The following TRIM33 variants were observed in gnomAD, a reference collection of about 807,000 sequenced individuals.
TRIM33 encodes the protein E3 ubiquitin-protein ligase TRIM33.
Under a neutral mutation model 125.4 loss-of-function variants are expected in TRIM33, and 20 were observed. The ratio of observed to expected loss-of-function variants is 0.16; its 90% CI spans 0.11 to 0.23. The LOEUF (loss-of-function observed/expected upper bound fraction) is 0.23. Ranked by LOEUF, TRIM33 falls within the 10% of genes least tolerant of loss-of-function variation. The pLI, the probability that TRIM33 is intolerant of heterozygous loss-of-function variation, is 1.00. For synonymous variants in TRIM33, 564 were observed against 513.9 expected, an observed-to-expected ratio of 1.10 and a Z score of -1.32; for missense variants, 920 against 1,411.4, an observed-to-expected ratio of 0.65 and a Z score of 5.58.
chr1:114,409,453 A>G (rs1279070524), intron 12 of TRIM33, among the ~76,000 whole-genome samples: 1 of 152,216 alleles, frequency 6.6e-6, no homozygotes, highest in East Asian at 1.9e-4. Flanking sequence ...CTTTTTAAAT[A>G]ATTTTTCAAT....
chr1:114,446,184 G>C (rs1014410143), intron 4 of TRIM33, among the ~76,000 whole-genome samples: 2 of 152,168 alleles, frequency 1.3e-5, no homozygotes, highest in African/African-American at 4.8e-5. Flanking sequence ...ATGACAAGAA[G>C]ATGAGAGTAT....
At chr1:114,415,452 C>G (rs1652876722) in intron 11 of TRIM33, among the ~76,000 whole-genome samples, 1 of 152,162 alleles carries the variant, frequency 6.6e-6, no homozygotes, top group African/African-American at 2.4e-5. Context: ...TACATAATTC[C>G]TATCTGGAAT....
chr1:114,410,028 G>A (rs983133847), intron 12 of TRIM33, among the ~76,000 whole-genome samples, 156 bp downstream of exon 12: 1 of 152,176 alleles, frequency 6.6e-6, no homozygotes, highest in Non-Finnish European at 1.5e-5. Flanking sequence ...ACAATCACAT[G>A]AGCCAATTCC....
At chr1:114,410,669 T>C (rs1652524363) in intron 11 of TRIM33, among the ~76,000 whole-genome samples, 1 of 152,156 alleles carries the variant, frequency 6.6e-6, no homozygotes, top group African/African-American at 2.4e-5. Flanking sequence ...GTGTCCACAA[T>C]CATTCACTTA....
At chr1:114,463,708 C>T (rs1004101424) in intron 2 of TRIM33, 152 bp from the exon 3 acceptor site, 7 of 570,582 alleles carry the variant, frequency 1.2e-5, no homozygotes, top group African/African-American at 5.9e-5. Context: ...CTTTTCCTTA[C>T]AGATCATTCA....
intron 1 of TRIM33, among the ~76,000 whole-genome samples, chr1:114,471,102 A>G (rs1650618470): frequency 6.6e-6 from 1 of 152,216 alleles, no homozygotes; most frequent in Admixed American, 6.5e-5. Flanking sequence ...CCTGGCCTGC[A>G]AAGTTCTTGA....
chr1:114,448,445 C>T (rs1165981409), intron 4 of TRIM33, among the ~76,000 whole-genome samples: 2 of 152,124 alleles, frequency 1.3e-5, no homozygotes, highest in African/African-American at 2.4e-5. Context: ...ACAACATTAA[C>T]GGTCTACTTG....
At chr1:114,483,733 T>C (rs1651495217) in intron 1 of TRIM33, among the ~76,000 whole-genome samples, 1 of 152,054 alleles carries the variant, frequency 6.6e-6, no homozygotes, top group Non-Finnish European at 1.5e-5. Context: ...TAATGGTGAA[T>C]TCTCTCAAGG....
chr1:114,508,810 G>A (rs932529876), intron 1 of TRIM33, among the ~76,000 whole-genome samples: 4 of 151,934 alleles, frequency 2.6e-5, no homozygotes, highest in African/African-American at 9.7e-5. Flanking sequence ...TAACTACCAC[G>A]TACTAATCAC....
At chr1:114,444,932 A>C (rs559742462) in intron 4 of TRIM33, among the ~76,000 whole-genome samples, 1 of 152,364 alleles carries the variant, frequency 6.6e-6, no homozygotes, top group East Asian at 1.9e-4. Context: ...TTAAATGAAC[A>C]TAGGTTCTTA....
chr1:114,486,254 C>T (rs574444682), intron 1 of TRIM33, among the ~76,000 whole-genome samples: 5 of 151,826 alleles, frequency 3.3e-5, no homozygotes, highest in Admixed American at 1.3e-4. Context: ...CCAGCCTGGG[C>T]GACAGAGTAA....
At chr1:114,456,173 C>T (rs1460776989) in intron 4 of TRIM33, among the ~76,000 whole-genome samples, 1 of 152,160 alleles carries the variant, frequency 6.6e-6, no homozygotes, top group African/African-American at 2.4e-5. Context: ...CTGAAAAGTA[C>T]ACCTGTCTAA....
intron 1 of TRIM33, among the ~76,000 whole-genome samples, chr1:114,473,708 G>A (rs552661223): frequency 6.6e-6 from 1 of 152,254 alleles, no homozygotes; most frequent in South Asian, 2.1e-4. Flanking sequence ...ATTCTTTGAA[G>A]AGAAATTTAG....
chr1:114,470,289 C>T (rs1650559697), intron 1 of TRIM33, among the ~76,000 whole-genome samples: 1 of 152,152 alleles, frequency 6.6e-6, no homozygotes, highest in Non-Finnish European at 1.5e-5. Context: ...ATTTTTCCCA[C>T]AATGTGTGCT....
At chr1:114,474,989 T>C (rs1029926486) in intron 1 of TRIM33, among the ~76,000 whole-genome samples, 4 of 151,932 alleles carry the variant, frequency 2.6e-5, no homozygotes, top group Non-Finnish European at 4.4e-5. Flanking sequence ...AAAATTTGTA[T>C]AATAATAAAG....
At chr1:114,450,144 CT>C (rs1320466883) in intron 4 of TRIM33, among the ~76,000 whole-genome samples, 3 of 152,172 alleles carry the variant, frequency 2.0e-5, no homozygotes, top group African/African-American at 7.2e-5. Flanking sequence ...GTAACCCCAG[CT>C]ACTTGGGAGG....
chr1:114,502,100 A>G (rs1652753934), intron 1 of TRIM33, among the ~76,000 whole-genome samples: 1 of 152,176 alleles, frequency 6.6e-6, no homozygotes, highest in Non-Finnish European at 1.5e-5. Flanking sequence ...ATCTATAGTG[A>G]CCTATTTTTA....
At chr1:114,501,081 T>C (rs1464450578) in intron 1 of TRIM33, among the ~76,000 whole-genome samples, 1 of 111,890 alleles carries the variant, frequency 8.9e-6, no homozygotes, top group Non-Finnish European at 1.9e-5. Context: ...TCCCAGCTAC[T>C]TGGGAGGCTG....
chr1:114,410,051 T>C, intron 12 of TRIM33, 133 bp downstream of exon 12: 2 of 1,145,838 alleles, frequency 1.7e-6, no homozygotes, highest in South Asian at 2.9e-5. Context: ...AAAATAAATC[T>C]CTCTCAATCT....
Sources: allele counts gnomAD v4.1 joint callset (sites outside exome capture counted in the v4.1 genomes callset), GRCh38; gene constraint gnomAD v4.1.1; transcripts MANE v1.5; gene names NCBI Gene and HGNC (gene_info 2026-07-23, HGNC 2026-07-21).